The following UNC79 variants were observed in gnomAD, a reference collection of about 807,000 sequenced individuals.
The protein encoded by UNC79 is unc-79 subunit of NALCN channel complex, also known as protein unc-79 homolog.
In UNC79, 37 loss-of-function variants were observed where a neutral mutation model predicts 283.1. The ratio of observed to expected loss-of-function variants is 0.13; its 90% CI spans 0.10 to 0.17. The LOEUF is 0.17. Among genes scored for constraint, UNC79 ranks in the 10% least tolerant of loss-of-function variants. The pLI is 1.00. For missense variants in UNC79, 2,272 were observed against 3,211.1 expected (o/e 0.71, Z 7.07); for synonymous variants, 1,107 against 1,200.2 (o/e 0.92, Z 1.61).
chr14:93,412,104 A>C (rs1566919343), intron 1 of UNC79, among the ~76,000 whole-genome samples: 1 of 152,230 alleles, frequency 6.6e-6, no homozygotes, highest in Non-Finnish European at 1.5e-5. Context: ...TGAAATAAAA[A>C]GAAGCAGAAA....
chr14:93,595,141 G>T (rs1246368714), intron 23 of UNC79, among the ~76,000 whole-genome samples: 2 of 151,384 alleles, frequency 1.3e-5, no homozygotes, highest in African/African-American at 4.9e-5. Context: ...ACAAGCTGGA[G>T]TGCAGTGGAG....
At chr14:93,601,252 C>A (rs1190834467) in intron 25 of UNC79, among the ~76,000 whole-genome samples, 2 of 149,248 alleles carry the variant, frequency 1.3e-5, no homozygotes, top group Admixed American at 1.3e-4. Context: ...CCTCACCCCC[C>A]TTCCACCCTT....
intron 7 of UNC79, among the ~76,000 whole-genome samples, chr14:93,512,363 G>A (rs548051212): frequency 6.6e-6 from 1 of 151,552 alleles, no homozygotes; most frequent in East Asian, 2.0e-4. Flanking sequence ...CTGCTTGAGT[G>A]TGGTGGTTTT....
chr14:93,349,901 C>G (rs75362223), intron 1 of UNC79, among the ~76,000 whole-genome samples: 10,947 of 152,094 alleles, frequency 0.072, 816 homozygotes, highest in African/African-American at 0.19. Context: ...CTAATATCTT[C>G]ATTTTTCAGA....
At chr14:93,352,496 G>T (rs1484556740) in intron 1 of UNC79, among the ~76,000 whole-genome samples, 1 of 152,096 alleles carries the variant, frequency 6.6e-6, no homozygotes, top group Non-Finnish European at 1.5e-5. Flanking sequence ...ACTGTATGTT[G>T]GGAAATGGTA....
chr14:93,694,213 C>CT, intron 46 of UNC79, 122 bp from the exon 50 acceptor site: 1 of 765,704 alleles, frequency 1.3e-6, no homozygotes, highest in African/African-American at 1.7e-5. Flanking sequence ...CAGTGGTCTC[C>CT]TACGGTCATT....
chr14:93,583,972 G>GT (rs1461661754), intron 20 of UNC79, among the ~76,000 whole-genome samples: 2 of 151,866 alleles, frequency 1.3e-5, no homozygotes, highest in African/African-American at 4.8e-5. Context: ...TGCCCGGCTA[G>GT]TTTTTTAAAC....
chr14:93,537,920 T>C, intron 11 of UNC79, 69 bp from the exon 12 acceptor site: 1 of 1,487,794 alleles, frequency 6.7e-7, no homozygotes, highest in Non-Finnish European at 9.1e-7. Context: ...AAGTTTTCAT[T>C]TATTCTGATT....
chr14:93,413,912 AG>A (rs2055394446), intron 1 of UNC79, among the ~76,000 whole-genome samples: 1 of 95,520 alleles, frequency 1.0e-5, no homozygotes, highest in Non-Finnish European at 2.4e-5. Flanking sequence ...AATTCATTGT[AG>A]ATTCTGGATA....
intron 1 of UNC79, among the ~76,000 whole-genome samples, chr14:93,348,827 C>T (rs1046320893): frequency 5.3e-5 from 8 of 152,164 alleles, no homozygotes; most frequent in Non-Finnish European, 1.2e-4. Flanking sequence ...AAATTGCTGT[C>T]TTGAAGTGAT....
chr14:93,565,820 A>G (rs2062843275), intron 14 of UNC79, among the ~76,000 whole-genome samples: 1 of 152,210 alleles, frequency 6.6e-6, no homozygotes, highest in African/African-American at 2.4e-5. Flanking sequence ...GGCACTAAAC[A>G]GAGTTTTCTA....
intron 15 of UNC79, 88 bp downstream of exon 15, chr14:93,572,172 G>A: frequency 3.6e-6 from 5 of 1,376,384 alleles, no homozygotes; most frequent in Non-Finnish European, 4.8e-6. Flanking sequence ...ACCCTACTAA[G>A]CGTTTTATAT....
chr14:93,666,681 G>A (rs1295461651), intron 40 of UNC79, among the ~76,000 whole-genome samples: 6 of 152,064 alleles, frequency 3.9e-5, no homozygotes, highest in East Asian at 1.9e-4. Flanking sequence ...TTCTCTTTCA[G>A]TTATGGATAG....
intron 41 of UNC79, among the ~76,000 whole-genome samples, chr14:93,679,792 G>A (rs1234354532): frequency 6.6e-6 from 1 of 152,170 alleles, no homozygotes; most frequent in Non-Finnish European, 1.5e-5. Context: ...GTATTCATGG[G>A]GGAATGCATA....
chr14:93,392,187 C>T (rs1279916565), intron 1 of UNC79, among the ~76,000 whole-genome samples: 1 of 152,106 alleles, frequency 6.6e-6, no homozygotes, highest in African/African-American at 2.4e-5. Flanking sequence ...AAATGTGTGT[C>T]ACCAAGAAGT....
At chr14:93,700,826 A>G (rs1272433734) in intron 47 of UNC79, among the ~76,000 whole-genome samples, 1 of 152,062 alleles carries the variant, frequency 6.6e-6, no homozygotes, top group African/African-American at 2.4e-5. Flanking sequence ...AGATTTTTCC[A>G]CTCTGACTAA....
intron 32 of UNC79, among the ~76,000 whole-genome samples, chr14:93,638,651 A>G (rs1778780399): frequency 6.6e-6 from 1 of 152,172 alleles, no homozygotes; most frequent in African/African-American, 2.4e-5. Context: ...AATTTCTGAG[A>G]GCCCTCTGTT....
intron 40 of UNC79, among the ~76,000 whole-genome samples, chr14:93,668,682 C>A (rs927263058): frequency 1.4e-4 from 21 of 150,842 alleles, no homozygotes; most frequent in African/African-American, 5.1e-4. Context: ...CTGTCTCTAC[C>A]AAAATACAAA....
chr14:93,555,924 T>C (rs2062149348), intron 14 of UNC79, among the ~76,000 whole-genome samples: 1 of 152,110 alleles, frequency 6.6e-6, no homozygotes, highest in Non-Finnish European at 1.5e-5. Flanking sequence ...TACCCTTACA[T>C]GTGGAGATTT....
Sources: gnomAD v4.1 joint callset for allele counts (sites outside exome capture counted in the v4.1 genomes callset) on GRCh38, gnomAD v4.1.1 for gene constraint, MANE v1.5 for transcripts, NCBI Gene and HGNC (gene_info 2026-07-23, HGNC 2026-07-21) for gene names.